The following KNDC1 variants were observed in gnomAD, a reference collection of about 807,000 sequenced individuals.
KNDC1 encodes the protein kinase non-catalytic C-lobe domain-containing protein 1.
Under a neutral mutation model 172.8 loss-of-function variants are expected in KNDC1, and 106 were observed. That is an observed-to-expected ratio of 0.61 (90% CI 0.52 to 0.72). The LOEUF (loss-of-function observed/expected upper bound fraction) is 0.72, where lower values mean the gene tolerates loss of function less well. Ranked by LOEUF, KNDC1 falls within the 30% of genes least tolerant of loss-of-function variation. KNDC1 has a pLI of 0.00. For synonymous variants in KNDC1, 1,083 were observed against 1,062.2 expected, an observed-to-expected ratio of 1.02 and a Z score of -0.38; for missense variants, 2,325 against 2,394.5, an observed-to-expected ratio of 0.97 and a Z score of 0.61.
intron 3 of KNDC1, among the ~76,000 whole-genome samples, chr10:133,169,926 C>T (rs776424167): frequency 1.3e-4 from 20 of 152,256 alleles, no homozygotes; most frequent in Non-Finnish European, 2.5e-4. Flanking sequence ...ACTCGCATTC[C>T]TTCATTTTTA....
Position 133,218,970 on chromosome 10 carries a change from C to T in KNDC1, c.4800+17C>T. 1.2e-6 allele frequency: 2 copies of T among 1,613,680 alleles called. No individual in the cohort carries two copies. Among genetic ancestry groups the T allele is most frequent in the Non-Finnish European group, 1.7e-6 (2 of 1,179,884 alleles). On this transcript the variant is annotated intron_variant, in intron 27 of 29. Transcript: ENST00000304613. ...CAGTCCCCTGTGCGTCCCCCTCGGG[C>T]CCCAAGGCGGGGGTGGGTACCCGCA... is the stretch of plus-strand genomic sequence containing the variant.
chr10:133,189,890 G>GC, intron 9 of KNDC1, 77 bp downstream of exon 9: 7 of 1,228,084 alleles, frequency 5.7e-6, no homozygotes, highest in Non-Finnish European at 5.8e-6. Context: ...CTGTCCAGCA[G>GC]CCCCCCATCA....
rs747665455 is a variant in KNDC1, at chr10:133,212,763, A to G, written c.4284A>G (p.Pro1428=). 1 of 1,613,798 alleles carries G rather than the reference A, an allele frequency of 6.2e-7. No individual in the cohort carries two copies. The highest frequency in any genetic ancestry group is 8.5e-7 in the Non-Finnish European group (1 of 1,179,908). Residue 1428 remains proline, a synonymous_variant, in exon 24 of 30, where the codon CCA becomes CCG. Coordinates refer to ENST00000304613, the MANE Select transcript of KNDC1 (RefSeq NM_152643.8). Reference sequence around the variant, plus strand: ...GAGGCAACGGGCTGGTGCTGCCGCCACACAAGGAGCGCCCCTACACCATTG... The same window carrying G: ...GAGGCAACGGGCTGGTGCTGCCGCCGCACAAGGAGCGCCCCTACACCATTG... The part of the protein sequence containing the change: ...LPRGNGLVLP[P]HKERPYTIAA...
chr10:133,161,400 T>A (rs1852964616), intron 1 of KNDC1, among the ~76,000 whole-genome samples: 1 of 152,046 alleles, frequency 6.6e-6, no homozygotes, highest in Admixed American at 6.5e-5. Context: ...ATTAGTGGGA[T>A]GTTGTGGCGC....
intron 4 of KNDC1, among the ~76,000 whole-genome samples, 178 bp from the exon 5 acceptor site, chr10:133,183,694 G>C (rs1853793351): frequency 6.6e-6 from 1 of 152,200 alleles, no homozygotes; most frequent in Non-Finnish European, 1.5e-5. Flanking sequence ...CAAGCCTCCT[G>C]GTTCTCTGCA....
In KNDC1 at chr10:133,213,742, C is replaced by A. The variant is rs1845419855; in HGVS notation, c.4526+15C>A. The A allele has an allele frequency of 6.2e-7, 1 of 1,612,566 alleles. No individual in the cohort carries two copies. The highest frequency in any genetic ancestry group is 1.3e-5 in the African/African-American group (1 of 74,892). Reference sequence around the variant, plus strand: ...GCCATCCCCAAGTGAGCGTCCGGGACCCTCAGCTGGGAGCGGTGGTGGAGG... The same window carrying A: ...GCCATCCCCAAGTGAGCGTCCGGGAACCTCAGCTGGGAGCGGTGGTGGAGG... On this transcript the variant is annotated intron_variant, in intron 25 of 29. Transcript: ENST00000304613.
intron 23 of KNDC1, 132 bp from the exon 24 acceptor site, chr10:133,212,584 C>T: frequency 1.4e-6 from 1 of 716,550 alleles, no homozygotes; most frequent in South Asian, 1.9e-5. Flanking sequence ...CTCTCTGGCT[C>T]TGGCTGGGCC....
At chr10:133,178,207 A>G (rs958317728) in intron 3 of KNDC1, among the ~76,000 whole-genome samples, 7 of 149,630 alleles carry the variant, frequency 4.7e-5, no homozygotes, top group Non-Finnish European at 8.9e-5. Context: ...TGGCATGTGT[A>G]TGTATGTGGT....
rs376413625 is a variant in KNDC1, at chr10:133,198,830, A to G, written c.2322A>G (p.Ser774=). 3.1e-6 allele frequency: 5 copies of G among 1,599,984 alleles called. No individual in the cohort carries two copies. The highest frequency in any genetic ancestry group is 4.3e-6 in the Non-Finnish European group (5 of 1,175,122). ...QAPANQPEGA[S]SAAPGSPVPA... Reference sequence around the variant, plus strand: ...CAGCAAACCAGCCAGAGGGGGCCTCATCGGCAGCTCCCGGCTCTCCAGTCC... The same window carrying G: ...CAGCAAACCAGCCAGAGGGGGCCTCGTCGGCAGCTCCCGGCTCTCCAGTCC... Residue 774 remains serine, a synonymous_variant, in exon 14 of 30, where the codon TCA becomes TCG. Transcript: ENST00000304613.
At chr10:133,182,959 TG>T (rs1853764024) in intron 3 of KNDC1, among the ~76,000 whole-genome samples, 1 of 135,674 alleles carries the variant, frequency 7.4e-6, no homozygotes, top group South Asian at 2.4e-4. Context: ...GCACAGGCGG[TG>T]TGGGCACAGG....
intron 3 of KNDC1, among the ~76,000 whole-genome samples, chr10:133,173,018 T>C (rs537185373): frequency 1.3e-5 from 2 of 152,270 alleles, no homozygotes; most frequent in African/African-American, 4.8e-5. Context: ...AAAATAGTTA[T>C]AGGACTGATC....
rs768096020 is a variant in KNDC1 at position 133,218,953 on chromosome 10, T to C, written c.4800T>C (p.Pro1600=). ...GLEHLAVRQS[P]AWRILPAKIA... ...AGCACCTGGCCGTGAGGCAGTCCCC[T>C]GTGCGTCCCCCTCGGGCCCCAAGGC... The change falls in exon 27 of 30, where the codon CCT becomes CCC. Residue 1600 remains proline, a splice_region_variant and synonymous_variant. Coordinates refer to ENST00000304613, the MANE Select transcript of KNDC1 (RefSeq NM_152643.8). 6 of 1,613,648 alleles carry C rather than the reference T, an allele frequency of 3.7e-6. No homozygotes were observed. In the African/African-American group the frequency reaches 8.0e-5, roughly 22 times the overall value.
chr10:133,189,980 G>A lies in KNDC1; in HGVS notation c.1575+167G>A, dbSNP rs551887163. On this transcript the variant is annotated intron_variant, in intron 9 of 29. Coordinates refer to ENST00000304613, the MANE Select transcript of KNDC1 (RefSeq NM_152643.8). Reference sequence around the variant, plus strand: ...TGCCAGCAGGGCCGTGGCTCTGGCCGGGGCACCAAGACAGGGCTTGGTGTG... The same window carrying A: ...TGCCAGCAGGGCCGTGGCTCTGGCCAGGGCACCAAGACAGGGCTTGGTGTG... Among the ~76,000 whole-genome samples the A allele has an allele frequency of 1.7e-3, 260 of 152,336 alleles. 2 individuals are homozygous for A. The highest frequency in any genetic ancestry group is 2.7e-3 in the South Asian group (13 of 4,830).
intron 3 of KNDC1, chr10:133,174,390 C>T (rs1451690721): frequency 6.6e-6 from 1 of 151,420 alleles, no homozygotes; most frequent in South Asian, 2.1e-4. Context: ...GAACTTCCAA[C>T]ACGGAAGGAA....
chr10:133,220,693 G>C (rs1845567362), intron 29 of KNDC1, among the ~76,000 whole-genome samples: 1 of 51,534 alleles, frequency 1.9e-5, no homozygotes, highest in Non-Finnish European at 4.2e-5. Flanking sequence ...GCCCAGGTGA[G>C]GAGGGGCTCA....
At chr10:133,165,862 G>A (rs1197138210) in intron 1 of KNDC1, among the ~76,000 whole-genome samples, 1 of 152,150 alleles carries the variant, frequency 6.6e-6, no homozygotes, top group Non-Finnish European at 1.5e-5. Flanking sequence ...ACGGGCCACA[G>A]GAATGGGGCA....
intron 7 of KNDC1, 92 bp downstream of exon 7, chr10:133,188,745 C>T: frequency 6.8e-6 from 4 of 590,534 alleles, no homozygotes; most frequent in Non-Finnish European, 1.2e-5. Context: ...GCCGTCCCAC[C>T]CCCCACACCG....
At chr10:133,170,554 C>T (rs1174344304) in intron 3 of KNDC1, among the ~76,000 whole-genome samples, 1 of 152,120 alleles carries the variant, frequency 6.6e-6, no homozygotes, top group Non-Finnish European at 1.5e-5. Flanking sequence ...CCCCTAAGAG[C>T]GTTTGCTTAT....
chr10:133,195,625 G>T, intron 9 of KNDC1, 38 bp from the exon 10 acceptor site: 1 of 1,498,870 alleles, frequency 6.7e-7, no homozygotes, highest in South Asian at 1.4e-5. Flanking sequence ...GCAGCCCACA[G>T]CCCTGCGGTA....
Sources: gnomAD v4.1 joint callset for allele counts (sites outside exome capture counted in the v4.1 genomes callset) on GRCh38, gnomAD v4.1.1 for gene constraint, MANE v1.5 for transcripts, NCBI Gene and HGNC (gene_info 2026-07-23, HGNC 2026-07-21) for gene names.